Variants in DMD observed in about 807,000 individuals in gnomAD.
DMD encodes the protein dystrophin.
Under a neutral mutation model 330.1 loss-of-function variants are expected in DMD, and 63 were observed. That is an observed-to-expected ratio of 0.19 (90% CI 0.16 to 0.24). The LOEUF is 0.24. Ranked by LOEUF, DMD falls within the 10% of genes least tolerant of loss-of-function variation. The pLI is 1.00. For missense variants in DMD, 3,344 were observed against 2,684.1 expected (o/e 1.25, Z -5.43); for synonymous variants, 1,223 against 959.8 (o/e 1.27, Z -5.07).
chrX:33,329,266 A>G (rs2054135277), intron 1 of DMD, among the ~76,000 whole-genome samples: 1 of 111,955 alleles, frequency 8.9e-6, no homozygotes, highest in South Asian at 3.7e-4. Context: ...GGCTGAAATT[A>G]AAGACTAATA....
chrX:31,876,861 C>T (rs1224206708), intron 47 of DMD, among the ~76,000 whole-genome samples: 1 of 111,268 alleles, frequency 9.0e-6, no homozygotes, highest in African/African-American at 3.3e-5. Flanking sequence ...AACAATACCA[C>T]TGTAATACAA....
chrX:31,619,782 T>A (rs764674839), intron 55 of DMD, among the ~76,000 whole-genome samples: 1 of 112,183 alleles, frequency 8.9e-6, no homozygotes, highest in African/African-American at 3.2e-5. Flanking sequence ...CATCCAGAAG[T>A]AGGTTTTAAA....
intron 44 of DMD, among the ~76,000 whole-genome samples, chrX:32,060,240 A>G (rs2096213177): frequency 8.9e-6 from 1 of 111,827 alleles, no homozygotes; most frequent in Non-Finnish European, 1.9e-5. Context: ...TCAAGAAATT[A>G]AAATGCTTAA....
intron 7 of DMD, among the ~76,000 whole-genome samples, chrX:32,731,118 A>G (rs1418024591): frequency 2.7e-5 from 3 of 112,106 alleles, no homozygotes; most frequent in African/African-American, 6.5e-5. Flanking sequence ...GGGGTCAGGG[A>G]GTTCCCTTTC....
intron 44 of DMD, among the ~76,000 whole-genome samples, chrX:31,989,062 C>T (rs768145071): frequency 5.7e-4 from 64 of 112,331 alleles, no homozygotes; most frequent in Non-Finnish European, 1.1e-3. Flanking sequence ...CCAGCTTTAG[C>T]TATCAGGCAG....
At chrX:31,365,540 C>T (rs2059183803) in intron 60 of DMD, among the ~76,000 whole-genome samples, 1 of 112,142 alleles carries the variant, frequency 8.9e-6, no homozygotes, top group African/African-American at 3.2e-5. Context: ...TTTGGCTAAG[C>T]TGCAGACCAC....
intron 22 of DMD, among the ~76,000 whole-genome samples, chrX:32,470,545 G>C (rs946803776): frequency 2.7e-5 from 3 of 110,262 alleles, no homozygotes; most frequent in Non-Finnish European, 5.7e-5. Flanking sequence ...AGTCTCTTCT[G>C]CTCATCTAAC....
chrX:31,457,289 T>G (rs1748541985), intron 59 of DMD, among the ~76,000 whole-genome samples: 1 of 111,304 alleles, frequency 9.0e-6, no homozygotes, highest in Non-Finnish European at 1.9e-5. Context: ...CAAAATAATT[T>G]TTAAGGGTCA....
At chrX:31,392,031 C>A (rs1464483858) in intron 60 of DMD, among the ~76,000 whole-genome samples, 13 of 111,489 alleles carry the variant, frequency 1.2e-4, no homozygotes, top group East Asian at 5.6e-4. Flanking sequence ...TCCACACACA[C>A]AAAAAAAAGT....
At chrX:32,377,042 G>A (rs1031457191) in intron 34 of DMD, among the ~76,000 whole-genome samples, 3 of 111,529 alleles carry the variant, frequency 2.7e-5, no homozygotes, top group African/African-American at 9.8e-5. Context: ...AGTAAAATCT[G>A]TATTGTTTTT....
intron 9 of DMD, among the ~76,000 whole-genome samples, chrX:32,655,754 T>C (rs1174401653): frequency 9.0e-6 from 1 of 111,425 alleles, no homozygotes; most frequent in African/African-American, 3.3e-5. Flanking sequence ...AAGTCTCCCA[T>C]TATTAACGTG....
intron 63 of DMD, among the ~76,000 whole-genome samples, chrX:31,254,103 T>C (rs2049679684): frequency 8.9e-6 from 1 of 112,099 alleles, no homozygotes; most frequent in Non-Finnish European, 1.9e-5. Flanking sequence ...TTGGAATAAG[T>C]AACACCAGAA....
intron 44 of DMD, among the ~76,000 whole-genome samples, chrX:32,165,151 G>A (rs755306806): frequency 1.5e-3 from 170 of 112,299 alleles, no homozygotes; most frequent in South Asian, 5.9e-3. Flanking sequence ...ACTGCCTAGC[G>A]GAGCTATGAG....
At chrX:32,968,558 G>A (rs746972399) in intron 2 of DMD, among the ~76,000 whole-genome samples, 58 of 111,437 alleles carry the variant, frequency 5.2e-4, no homozygotes, top group Non-Finnish European at 9.4e-4. Flanking sequence ...ATAGTAAAAT[G>A]TTAACATAGG....
intron 77 of DMD, among the ~76,000 whole-genome samples, chrX:31,129,115 G>C (rs1334474884): frequency 1.8e-5 from 2 of 111,049 alleles, no homozygotes; most frequent in Non-Finnish European, 3.8e-5. Flanking sequence ...TAAAGGGCTT[G>C]GTCAGGTCCC....
intron 2 of DMD, among the ~76,000 whole-genome samples, chrX:32,877,598 T>G (rs1266470471): frequency 2.7e-5 from 3 of 112,052 alleles, no homozygotes; most frequent in African/African-American, 9.7e-5. Context: ...CATTAACACT[T>G]CTGCGTGCCC....
At chrX:32,597,973 C>G (rs990762594) in intron 12 of DMD, among the ~76,000 whole-genome samples, 2 of 112,057 alleles carry the variant, frequency 1.8e-5, no homozygotes, top group African/African-American at 3.2e-5. Flanking sequence ...TCCCTACTTG[C>G]AAAACAACAG....
At chrX:31,330,836 C>T (rs933879207) in intron 61 of DMD, among the ~76,000 whole-genome samples, 2 of 111,160 alleles carry the variant, frequency 1.8e-5, no homozygotes, top group Non-Finnish European at 1.9e-5. Flanking sequence ...TTTGATGTGA[C>T]GCATATAGTT....
intron 11 of DMD, among the ~76,000 whole-genome samples, chrX:32,637,093 T>A (rs1328173243): frequency 1.8e-5 from 2 of 110,826 alleles, no homozygotes; most frequent in Non-Finnish European, 3.8e-5. Context: ...TTAAAGAAAA[T>A]AAAGAAATTG....
Sources: allele counts gnomAD v4.1 joint callset (sites outside exome capture counted in the v4.1 genomes callset), GRCh38; gene constraint gnomAD v4.1.1; transcripts MANE v1.5; gene names NCBI Gene and HGNC (gene_info 2026-07-23, HGNC 2026-07-21).